The following SNTG1 variants were observed in gnomAD, a reference collection of about 807,000 sequenced individuals.
SNTG1 encodes syntrophin gamma 1.
A neutral mutation model predicts 74.7 loss-of-function variants in SNTG1; 39 were observed. The ratio of observed to expected loss-of-function variants is 0.52; its 90% confidence interval spans 0.40 to 0.68. The LOEUF (loss-of-function observed/expected upper bound fraction) is 0.68. Among genes scored for constraint, SNTG1 ranks in the 30% least tolerant of loss-of-function variants. The pLI is 0.00. For synonymous variants in SNTG1, 254 were observed against 217.1 expected (o/e 1.17, Z -1.49); for missense variants, 685 against 609.5 (o/e 1.12, Z -1.30).
intron 4 of SNTG1, among the ~76,000 whole-genome samples, chr8:50,411,458 A>C (rs1417607251): frequency 6.6e-6 from 1 of 151,418 alleles, no homozygotes; most frequent in African/African-American, 2.4e-5. Context: ...AAAAAAAAAA[A>C]ATAAAAAGAC....
At chr8:50,482,195 C>G (rs1332057768) in intron 8 of SNTG1, among the ~76,000 whole-genome samples, 4 of 152,140 alleles carry the variant, frequency 2.6e-5, no homozygotes, top group Non-Finnish European at 1.5e-5. Context: ...GCTATGGAGA[C>G]CACAGTGATA....
intron 9 of SNTG1, among the ~76,000 whole-genome samples, chr8:50,517,643 A>T (rs978045527): frequency 2.0e-5 from 3 of 148,508 alleles, no homozygotes; most frequent in Non-Finnish European, 3.0e-5. Context: ...AAAAAATAGC[A>T]GGGGTTGAAA....
intron 2 of SNTG1, among the ~76,000 whole-genome samples, chr8:50,370,921 A>G (rs1455306215): frequency 6.6e-6 from 1 of 152,186 alleles, no homozygotes; most frequent in African/African-American, 2.4e-5. Flanking sequence ...ATTTATTGCT[A>G]TGATCTCCCT....
At chr8:50,223,289 C>G (rs1012120671) in intron 2 of SNTG1, among the ~76,000 whole-genome samples, 1 of 151,946 alleles carries the variant, frequency 6.6e-6, no homozygotes, top group African/African-American at 2.4e-5. Flanking sequence ...ACTAAAAGAA[C>G]AAAAATACTG....
intron 8 of SNTG1, among the ~76,000 whole-genome samples, chr8:50,501,870 T>C (rs545229800): frequency 6.6e-6 from 1 of 152,262 alleles, no homozygotes; most frequent in South Asian, 2.1e-4. Flanking sequence ...TATTTCCATG[T>C]TTATTAACTG....
intron 2 of SNTG1, among the ~76,000 whole-genome samples, chr8:50,385,699 AG>A (rs1373630369): frequency 6.6e-6 from 1 of 152,204 alleles, no homozygotes; most frequent in African/African-American, 2.4e-5. Flanking sequence ...GCCAGCTGAA[AG>A]CAAACTGCTT....
At chr8:50,261,044 C>G (rs549091590) in intron 2 of SNTG1, among the ~76,000 whole-genome samples, 4 of 152,202 alleles carry the variant, frequency 2.6e-5, no homozygotes, top group Admixed American at 1.3e-4. Context: ...ACTACATACC[C>G]AGGAAGTTCA....
intron 2 of SNTG1, among the ~76,000 whole-genome samples, chr8:50,344,785 T>C (rs1206603929): frequency 6.6e-6 from 1 of 152,222 alleles, no homozygotes; most frequent in Admixed American, 6.5e-5. Flanking sequence ...ATGAGCTGAA[T>C]TGCATTTCAC....
chr8:50,632,702 G>A (rs950207119), intron 13 of SNTG1, among the ~76,000 whole-genome samples: 2 of 152,184 alleles, frequency 1.3e-5, no homozygotes, highest in African/African-American at 4.8e-5. Context: ...AGTAAATCAT[G>A]TATAGCTGTA....
At chr8:50,159,168 T>A (rs145189690) in intron 1 of SNTG1, among the ~76,000 whole-genome samples, 81 of 152,308 alleles carry the variant, frequency 5.3e-4, no homozygotes, top group Admixed American at 2.4e-3. Flanking sequence ...TTTTTCTTTA[T>A]TGACTTTTAG....
chr8:49,993,992 C>T (rs1324795335), intron 1 of SNTG1, among the ~76,000 whole-genome samples: 1 of 152,116 alleles, frequency 6.6e-6, no homozygotes, highest in East Asian at 1.9e-4. Context: ...CCTTTCTACC[C>T]TCTACCTTTA....
At chr8:50,017,413 C>T (rs960937195) in intron 1 of SNTG1, among the ~76,000 whole-genome samples, 4 of 151,846 alleles carry the variant, frequency 2.6e-5, no homozygotes, top group Admixed American at 2.6e-4. Flanking sequence ...AGATGCAAAT[C>T]CTACTTCATC....
At chr8:50,221,455 A>C (rs577264692) in intron 2 of SNTG1, among the ~76,000 whole-genome samples, 1 of 152,010 alleles carries the variant, frequency 6.6e-6, no homozygotes, top group South Asian at 2.1e-4. Context: ...ATATTAATAA[A>C]AAATAGAGAT....
chr8:49,978,365 T>C (rs770115519), intron 1 of SNTG1, among the ~76,000 whole-genome samples: 7 of 151,688 alleles, frequency 4.6e-5, no homozygotes, highest in African/African-American at 7.3e-5. Flanking sequence ...TGACCAAAGA[T>C]GAAGAAAAGA....
intron 15 of SNTG1, among the ~76,000 whole-genome samples, chr8:50,689,159 A>G (rs929562644): frequency 6.6e-6 from 1 of 151,526 alleles, no homozygotes. Context: ...GGCTGAGACA[A>G]TGGGGTTTTC....
intron 4 of SNTG1, among the ~76,000 whole-genome samples, chr8:50,437,171 T>G (rs1157095047): frequency 6.6e-6 from 1 of 152,156 alleles, no homozygotes; most frequent in Non-Finnish European, 1.5e-5. Context: ...CAGCACATTG[T>G]CAAAATAAAG....
intron 1 of SNTG1, among the ~76,000 whole-genome samples, chr8:50,136,961 G>C (rs990577018): frequency 2.0e-5 from 3 of 151,950 alleles, no homozygotes; most frequent in African/African-American, 7.3e-5. Context: ...TCATCAAGCA[G>C]AAGAGAGCCT....
At chr8:50,486,779 C>G (rs1041820224) in intron 8 of SNTG1, among the ~76,000 whole-genome samples, 1 of 151,424 alleles carries the variant, frequency 6.6e-6, no homozygotes, top group East Asian at 2.0e-4. Context: ...ATGATATTGG[C>G]TGTGGGTTTG....
chr8:50,177,630 G>C (rs1248094115), intron 2 of SNTG1, among the ~76,000 whole-genome samples: 1 of 152,212 alleles, frequency 6.6e-6, no homozygotes, highest in Non-Finnish European at 1.5e-5. Context: ...AGTGAAACAG[G>C]AGTGGGCTGG....
Sources: gnomAD v4.1 joint callset for allele counts (sites outside exome capture counted in the v4.1 genomes callset) on GRCh38, gnomAD v4.1.1 for gene constraint, MANE v1.5 for transcripts, NCBI Gene and HGNC (gene_info 2026-07-23, HGNC 2026-07-21) for gene names.